GSK3B: variants seen among roughly 807,000 people sequenced by gnomAD.
GSK3B encodes the protein glycogen synthase kinase-3 beta.
In GSK3B, 15 loss-of-function variants were observed where a neutral mutation model predicts 56.4. The ratio of observed to expected loss-of-function variants is 0.27; its 90% CI spans 0.18 to 0.41. The LOEUF (loss-of-function observed/expected upper bound fraction) is 0.41. Ranked by LOEUF, GSK3B falls within the 10% of genes least tolerant of loss-of-function variation. GSK3B has a pLI of 1.00. For missense variants in GSK3B, 300 were observed against 513.4 expected (o/e 0.58, Z 4.02); for synonymous variants, 181 against 188.9 (o/e 0.96, Z 0.34).
At chr3:120,045,050 G>A (rs373263235) in intron 1 of GSK3B, among the ~76,000 whole-genome samples, 1 of 152,148 alleles carries the variant, frequency 6.6e-6, no homozygotes, top group East Asian at 1.9e-4. Flanking sequence ...CTTATTGGGT[G>A]CTGTGTCATA....
At chr3:119,919,321 T>C (rs1477801792) in intron 4 of GSK3B, among the ~76,000 whole-genome samples, 4 of 152,142 alleles carry the variant, frequency 2.6e-5, no homozygotes. Flanking sequence ...TACTTTTATA[T>C]CGCTCTCACA....
intron 1 of GSK3B, among the ~76,000 whole-genome samples, chr3:120,081,616 A>G (rs931109168): frequency 6.6e-6 from 1 of 152,244 alleles, no homozygotes; most frequent in African/African-American, 2.4e-5. Context: ...TCCTAGAAAC[A>G]TCAGCAATAG....
chr3:119,917,399 T>G (rs1277909446), intron 4 of GSK3B, among the ~76,000 whole-genome samples: 1 of 152,170 alleles, frequency 6.6e-6, no homozygotes, highest in Admixed American at 6.5e-5. Context: ...GGTCAGCATT[T>G]TGCCAACAAA....
intron 1 of GSK3B, among the ~76,000 whole-genome samples, chr3:120,061,770 T>C (rs2058238802): frequency 6.6e-6 from 1 of 152,230 alleles, no homozygotes; most frequent in Non-Finnish European, 1.5e-5. Context: ...TTCACTCTTG[T>C]TGCCCAGGCT....
rs368666044 is a variant in GSK3B, at chr3:119,881,867, T to A, written c.814-5359A>T. 2.6e-5 allele frequency among the ~76,000 whole-genome samples: 4 copies of A among 152,286 alleles called. No individual in the cohort carries two copies. The East Asian group carries it at 7.7e-4, about 29-fold the overall frequency. On this transcript the variant is annotated intron_variant, in intron 7 of 10. Coordinates refer to ENST00000264235, the MANE Select transcript of GSK3B (RefSeq NM_001146156.2). Reference sequence around the variant, plus strand: ...CTGTTCTCATTATAGTGAATAAGTCTCACAAGATCTGATGGTTTTATAAAG... The same window carrying A: ...CTGTTCTCATTATAGTGAATAAGTCACACAAGATCTGATGGTTTTATAAAG...
intron 1 of GSK3B, chr3:120,028,784 G>C (rs1293366520): frequency 2.1e-6 from 1 of 466,322 alleles, no homozygotes; most frequent in Non-Finnish European, 4.2e-6. Context: ...GCAGCGACCA[G>C]GCGTGGTCTC....
chr3:119,986,110 G>A (rs998225641), intron 2 of GSK3B, among the ~76,000 whole-genome samples: 1 of 152,162 alleles, frequency 6.6e-6, no homozygotes, highest in Admixed American at 6.5e-5. Flanking sequence ...AATAAATGGT[G>A]CTGGGAAAAC....
Position 119,823,242 on chromosome 3 carries a change from A to G in GSK3B, c.*3546T>C, listed in dbSNP as rs939342765. On this transcript the variant is annotated 3_prime_UTR_variant, in exon 11 of 11. Transcript: ENST00000264235. ...AAAAAGGCCTTCGTGTTGGGCACAC[A>G]GTAAGAATTAAACTGATTTTTTTTA... is the stretch of plus-strand genomic sequence containing the variant. 2 of 223,674 alleles carry G rather than the reference A, an allele frequency of 8.9e-6. No individual in the cohort carries two copies. The highest frequency in any genetic ancestry group is 2.2e-5 in the African/African-American group (1 of 44,790). 13.9% of individuals were successfully genotyped at this position (223,674 alleles called of 1,614,324 possible). A position where few individuals can be genotyped will look rare whatever the true frequency, so the allele number is the denominator to read the frequency against.
chr3:120,078,399 C>A (rs573245024), intron 1 of GSK3B, among the ~76,000 whole-genome samples: 1 of 152,224 alleles, frequency 6.6e-6, no homozygotes, highest in East Asian at 1.9e-4. Context: ...TCTGGGTCTT[C>A]TTTTCTAACG....
intron 2 of GSK3B, among the ~76,000 whole-genome samples, chr3:119,996,610 TA>T (rs1217526275): frequency 6.6e-6 from 1 of 151,588 alleles, no homozygotes; most frequent in African/African-American, 2.4e-5. Context: ...TTTTTTTTAA[TA>T]AAAAAAGAAA....
chr3:120,077,546 A>G (rs1363410784), intron 1 of GSK3B, among the ~76,000 whole-genome samples: 2 of 152,150 alleles, frequency 1.3e-5, no homozygotes, highest in East Asian at 1.9e-4. Flanking sequence ...CCTGGGATAA[A>G]CATGTCAAAA....
chr3:119,961,632 CA>C (rs1211316414), intron 2 of GSK3B, among the ~76,000 whole-genome samples: 49,662 of 96,190 alleles, frequency 0.52, 11,160 homozygotes, highest in African/African-American at 0.72. Flanking sequence ...GTCTCACAAA[CA>C]AAAAAAAAAA....
intron 7 of GSK3B, among the ~76,000 whole-genome samples, chr3:119,896,602 C>T (rs1406582410): frequency 6.6e-6 from 1 of 152,092 alleles, no homozygotes; most frequent in Admixed American, 6.6e-5. Flanking sequence ...ATTCAGTATA[C>T]TTTTAAAAAC....
rs1006485590 is a variant in GSK3B at position 119,823,281 on chromosome 3, T to C, written c.*3507A>G. ...TGATTTTTTTTAAAAGAAATTAAAA[T>C]GATATTTCATTGAGCAAGGGTAGAG... On this transcript the variant is annotated 3_prime_UTR_variant, in exon 11 of 11. Coordinates refer to ENST00000264235, the MANE Select transcript of GSK3B (RefSeq NM_001146156.2). The C allele has an allele frequency of 5.6e-5, 12 of 213,350 alleles. No homozygotes were observed. Among genetic ancestry groups the C allele is most frequent in the African/African-American group, 2.5e-4 (11 of 44,216 alleles). The allele number at this position is 213,350 out of a possible 1,614,324, so 13.2% of individuals were successfully genotyped here.
intron 3 of GSK3B, among the ~76,000 whole-genome samples, chr3:119,932,028 A>G (rs563516646): frequency 6.6e-6 from 1 of 152,314 alleles, no homozygotes; most frequent in South Asian, 2.1e-4. Flanking sequence ...CAACTCAACA[A>G]CAGCTGAGAT....
chr3:119,921,875 C>A (rs953367094), intron 4 of GSK3B, among the ~76,000 whole-genome samples: 1 of 152,080 alleles, frequency 6.6e-6, no homozygotes, highest in Non-Finnish European at 1.5e-5. Context: ...TGGTGGCTTG[C>A]GCCTGTAATC....
At chr3:120,026,438 A>T (rs2057924690) in intron 1 of GSK3B, among the ~76,000 whole-genome samples, 1 of 150,280 alleles carries the variant, frequency 6.7e-6, no homozygotes, top group Non-Finnish European at 1.5e-5. Context: ...TTATTACCGC[A>T]AGGGGGTCTG....
intron 8 of GSK3B, among the ~76,000 whole-genome samples, chr3:119,871,026 T>C (rs990349641): frequency 2.0e-5 from 3 of 152,198 alleles, no homozygotes; most frequent in African/African-American, 4.8e-5. Flanking sequence ...TAATAATACA[T>C]TGAACAACGG....
chr3:120,027,791 T>A (rs2057940789), intron 1 of GSK3B, among the ~76,000 whole-genome samples: 1 of 152,214 alleles, frequency 6.6e-6, no homozygotes, highest in Non-Finnish European at 1.5e-5. Flanking sequence ...CTCTAGATAG[T>A]GAGAATACAG....
Sources: allele counts gnomAD v4.1 joint callset (sites outside exome capture counted in the v4.1 genomes callset), GRCh38; gene constraint gnomAD v4.1.1; transcripts MANE v1.5; gene names NCBI Gene and HGNC (gene_info 2026-07-23, HGNC 2026-07-21).